Variants in SLC38A1 observed in about 807,000 individuals in gnomAD.
SLC38A1 encodes the protein solute carrier family 38 member 1.
SLC38A1 carries 18 observed loss-of-function variants against 60.3 expected under a neutral mutation model. The observed-to-expected ratio is 0.30, with a 90% CI of 0.21 to 0.44. The LOEUF is 0.44. SLC38A1 is among the 20% of genes least tolerant of loss of function. The pLI, the probability that SLC38A1 is intolerant of heterozygous loss-of-function variation, is 1.00. For synonymous variants in SLC38A1, 196 were observed against 212.1 expected (o/e 0.92, Z 0.66); for missense variants, 448 against 587.2 (o/e 0.76, Z 2.45).
At chr12:46,202,976 A>C (rs754104370) in intron 12 of SLC38A1, 34 bp downstream of exon 12, 31 of 1,548,284 alleles carry the variant, frequency 2.0e-5, no homozygotes, top group Non-Finnish European at 2.8e-5. Flanking sequence ...GGGATGTAAA[A>C]CGATTAAGAT....
In SLC38A1 at chr12:46,185,462, G is replaced by T. The variant is rs1017245104; in HGVS notation, c.*3508C>A. ...GTCTGTAACTGTAAAAAAGGAAAGT[G>T]GGTGGAGAGGTTTTTTTTTCCCCCT... is the stretch of plus-strand genomic sequence containing the variant. On this transcript the variant is annotated 3_prime_UTR_variant, in exon 17 of 17. Transcript: ENST00000398637. 6.6e-6 allele frequency: 1 copy of T among 152,064 alleles called. No homozygotes were observed. Among genetic ancestry groups the T allele is most frequent in the African/African-American group, 2.4e-5 (1 of 41,412 alleles). The allele number at this position is 152,064 out of a possible 1,614,324, so 9.4% of individuals were successfully genotyped here. A position where few individuals can be genotyped will look rare whatever the true frequency, so the allele number is the denominator to read the frequency against.
intron 5 of SLC38A1, among the ~76,000 whole-genome samples, chr12:46,221,894 A>T (rs1408037430): frequency 6.6e-6 from 1 of 152,192 alleles, no homozygotes; most frequent in Admixed American, 6.5e-5. Context: ...TGGAGGAGAT[A>T]ACATCTGATC....
At chr12:46,255,753 A>G (rs1941998426) in intron 1 of SLC38A1, among the ~76,000 whole-genome samples, 1 of 152,256 alleles carries the variant, frequency 6.6e-6, no homozygotes, top group African/African-American at 2.4e-5. Context: ...ACAGAAGTGC[A>G]GATAAGGACT....
chr12:46,200,260 C>A (rs1232777434), intron 13 of SLC38A1, among the ~76,000 whole-genome samples: 1 of 152,008 alleles, frequency 6.6e-6, no homozygotes. Flanking sequence ...TAGCCTTTTT[C>A]TCCAGGCTGA....
At position 46,184,654 on chromosome 12, in the gene SLC38A1, C is replaced by T. The variant is rs1193970934; in HGVS notation, c.*4316G>A. The T allele has an allele frequency of 2.0e-5, 3 of 152,158 alleles. No homozygotes were observed. Among genetic ancestry groups the T allele is most frequent in the Non-Finnish European group, 2.9e-5 (2 of 68,050 alleles). 9.4% of individuals were successfully genotyped at this position (152,158 alleles called of 1,614,324 possible). On this transcript the variant is annotated 3_prime_UTR_variant, in exon 17 of 17. Transcript: ENST00000398637. ...TTGTAGCTCCTTAAGCAGAGCAGAC[C>T]TTTCAGTAGAGAATTCGCTTTAAAA... is the stretch of plus-strand genomic sequence containing the variant.
At chr12:46,205,572 G>T in intron 9 of SLC38A1, among the ~76,000 whole-genome samples, 1 of 152,058 alleles carries the variant, frequency 6.6e-6, no homozygotes, top group South Asian at 2.1e-4. Context: ...AAGCCAAATG[G>T]ATATGACTTG....
rs11183404 is a variant in SLC38A1 at position 46,238,409 on chromosome 12, A to G, written c.122+1270T>C. Among the ~76,000 whole-genome samples the G allele has an allele frequency of 3.2e-3, 490 of 152,322 alleles. 8 individuals are homozygous for G. In the East Asian group the frequency reaches 0.058, roughly 18 times the overall value. ...TCCTATGCTGGGCTTTTAATCACATACTTTATCAGAATGTAGGCCATCAGA... is the reference window on the plus strand; with the variant it reads ...TCCTATGCTGGGCTTTTAATCACATGCTTTATCAGAATGTAGGCCATCAGA... On this transcript the variant is annotated intron_variant, in intron 3 of 16. Transcript: ENST00000398637.
intron 3 of SLC38A1, among the ~76,000 whole-genome samples, chr12:46,233,072 G>A (rs1443049750): frequency 6.6e-6 from 1 of 152,128 alleles, no homozygotes; most frequent in Non-Finnish European, 1.5e-5. Context: ...AAGCTGGAGT[G>A]CAGTGACACA....
chr12:46,183,733 A>G lies in SLC38A1; in HGVS notation c.*5237T>C, dbSNP rs1424251350. 2 of 152,344 alleles carry G rather than the reference A, an allele frequency of 1.3e-5. No individual in the cohort carries two copies. The highest frequency in any genetic ancestry group is 2.9e-5 in the Non-Finnish European group (2 of 68,014). 9.4% of individuals were successfully genotyped at this position (152,344 alleles called of 1,614,324 possible). ...TTCCTTACTTGTATCTCAGAGGACT[A>G]TCTGTTAAATAATTGATCTTAATGC... On this transcript the variant is annotated 3_prime_UTR_variant, in exon 17 of 17. Transcript: ENST00000398637.
At chr12:46,227,298 A>G (rs1940905669) in intron 5 of SLC38A1, among the ~76,000 whole-genome samples, 2 of 152,356 alleles carry the variant, frequency 1.3e-5, no homozygotes, top group Admixed American at 6.5e-5. Flanking sequence ...TCTGAGCAAT[A>G]ACAGCACATA....
chr12:46,247,303 T>C (rs1941655714), intron 1 of SLC38A1, among the ~76,000 whole-genome samples: 1 of 152,118 alleles, frequency 6.6e-6, no homozygotes, highest in Non-Finnish European at 1.5e-5. Flanking sequence ...ATTAGATGAA[T>C]GGCTAACTAA....
intron 5 of SLC38A1, among the ~76,000 whole-genome samples, chr12:46,209,444 ACT>A (rs1177160328): frequency 6.6e-6 from 1 of 151,980 alleles, no homozygotes; most frequent in African/African-American, 2.4e-5. Flanking sequence ...TCTATGTTGC[ACT>A]CTCTGTTACA....
At chr12:46,266,283 C>T (rs1236667163) in intron 1 of SLC38A1, among the ~76,000 whole-genome samples, 1 of 152,072 alleles carries the variant, frequency 6.6e-6, no homozygotes, top group African/African-American at 2.4e-5. Context: ...AGTCAGATAT[C>T]AGAAACATGG....
intron 3 of SLC38A1, among the ~76,000 whole-genome samples, chr12:46,235,187 G>A (rs1941216947): frequency 6.6e-6 from 1 of 152,030 alleles, no homozygotes; most frequent in South Asian, 2.1e-4. Flanking sequence ...AAACAGAGAG[G>A]TTCTGTTATT....
intron 9 of SLC38A1, 77 bp downstream of exon 9, chr12:46,206,003 C>A (rs559957182): frequency 6.6e-5 from 56 of 853,586 alleles, no homozygotes; most frequent in African/African-American, 3.6e-4. Context: ...AAGCAGAGGG[C>A]AACACTGTCC....
intron 16 of SLC38A1, among the ~76,000 whole-genome samples, chr12:46,191,332 T>G (rs1191607281): frequency 6.6e-6 from 1 of 152,242 alleles, no homozygotes; most frequent in African/African-American, 2.4e-5. Flanking sequence ...TTTTCGTTAC[T>G]GTAGCCTTGT....
At chr12:46,256,632 C>CAGAGAGAG (rs1305015526) in intron 1 of SLC38A1, among the ~76,000 whole-genome samples, 6 of 71,408 alleles carry the variant, frequency 8.4e-5, no homozygotes, top group Non-Finnish European at 1.7e-4. Flanking sequence ...CACACACACA[C>CAGAGAGAG]ACACAGAGAG....
chr12:46,189,503 G>T (rs1939054107), intron 16 of SLC38A1, among the ~76,000 whole-genome samples: 2 of 151,646 alleles, frequency 1.3e-5, no homozygotes, highest in Non-Finnish European at 2.9e-5. Context: ...TGAAAAAGTG[G>T]AAAAAAAACA....
chr12:46,207,130 C>T, intron 8 of SLC38A1, 25 bp downstream of exon 8: 1 of 1,469,002 alleles, frequency 6.8e-7, no homozygotes, highest in Non-Finnish European at 9.3e-7. Context: ...TTAGTTATAT[C>T]ATAAAAAAAT....
Sources: allele counts gnomAD v4.1 joint callset (sites outside exome capture counted in the v4.1 genomes callset), GRCh38; gene constraint gnomAD v4.1.1; transcripts MANE v1.5; gene names NCBI Gene and HGNC (gene_info 2026-07-23, HGNC 2026-07-21).